Variants in EXOC4 observed in about 807,000 individuals in gnomAD.
EXOC4 encodes the protein exocyst complex component 4.
EXOC4 carries 71 observed loss-of-function variants against 107.2 expected under a neutral mutation model. The observed-to-expected ratio is 0.66, with a 90% CI of 0.55 to 0.81. The LOEUF is 0.81. EXOC4 is among the 30% of genes least tolerant of loss of function. The probability of loss-of-function intolerance (pLI) is 0.00; values close to 1 mark genes in which losing one functional copy is unlikely to be tolerated. For synonymous variants in EXOC4, 456 were observed against 441.2 expected (o/e 1.03, Z -0.42); for missense variants, 1,108 against 1,189.6 (o/e 0.93, Z 1.01).
At chr7:133,628,374 G>T (rs549412579) in intron 9 of EXOC4, among the ~76,000 whole-genome samples, 1 of 152,268 alleles carries the variant, frequency 6.6e-6, no homozygotes, top group African/African-American at 2.4e-5. Context: ...GGCCTTTATA[G>T]CTAAACTTAC....
At chr7:133,921,673 G>A (rs1799940203) in intron 13 of EXOC4, among the ~76,000 whole-genome samples, 2 of 151,950 alleles carry the variant, frequency 1.3e-5, no homozygotes, top group African/African-American at 4.8e-5. Flanking sequence ...TTTATGGTGT[G>A]TATCCTGCTT....
At chr7:133,352,003 A>G (rs557088530) in intron 5 of EXOC4, among the ~76,000 whole-genome samples, 1 of 151,978 alleles carries the variant, frequency 6.6e-6, no homozygotes, top group East Asian at 1.9e-4. Flanking sequence ...TAACTTTGTT[A>G]TTGATTTCTA....
intron 7 of EXOC4, among the ~76,000 whole-genome samples, chr7:133,409,850 G>A (rs1172210826): frequency 6.6e-6 from 1 of 152,088 alleles, no homozygotes; most frequent in Non-Finnish European, 1.5e-5. Context: ...GAAAGAACTA[G>A]AAATTACTAG....
At chr7:133,838,049 C>G (rs564639488) in intron 11 of EXOC4, among the ~76,000 whole-genome samples, 4 of 152,198 alleles carry the variant, frequency 2.6e-5, no homozygotes, top group Non-Finnish European at 2.9e-5. Flanking sequence ...GATTTTATAA[C>G]ATGTTTATTT....
chr7:133,770,497 A>C lies in EXOC4; in HGVS notation c.1515-46828A>C, dbSNP rs918105398. Among the ~76,000 whole-genome samples the C allele has an allele frequency of 2.6e-5, 4 of 152,098 alleles. No individual in the cohort carries two copies. In the South Asian group the frequency reaches 8.3e-4, roughly 31 times the overall value. ...CTAGCTTATTGGTGGTTTTGTTTGTAAACATTGAAAGTAAGCTTTAGCCAA... is the reference window on the plus strand; with the variant it reads ...CTAGCTTATTGGTGGTTTTGTTTGTCAACATTGAAAGTAAGCTTTAGCCAA... On this transcript the variant is annotated intron_variant, in intron 10 of 17. Transcript: ENST00000253861.
At chr7:133,628,604 C>A (rs1186927643) in intron 9 of EXOC4, among the ~76,000 whole-genome samples, 2 of 152,128 alleles carry the variant, frequency 1.3e-5, no homozygotes, top group African/African-American at 4.8e-5. Context: ...GTGTTTTTCC[C>A]AACATCCAAA....
chr7:133,624,614 G>A (rs1198600951), intron 9 of EXOC4, among the ~76,000 whole-genome samples: 2 of 151,904 alleles, frequency 1.3e-5, no homozygotes, highest in African/African-American at 4.8e-5. Context: ...TCTTTTTGAG[G>A]CAGAGTCTCG....
chr7:133,716,960 A>G (rs1014449181), intron 10 of EXOC4, among the ~76,000 whole-genome samples: 3 of 152,154 alleles, frequency 2.0e-5, no homozygotes, highest in Admixed American at 6.5e-5. Flanking sequence ...AAAAAATAAA[A>G]TATTCTTTAA....
intron 4 of EXOC4, among the ~76,000 whole-genome samples, chr7:133,306,902 G>A (rs533385218): frequency 5.3e-5 from 8 of 152,122 alleles, no homozygotes; most frequent in Non-Finnish European, 1.2e-4. Flanking sequence ...AATTCATTAG[G>A]TTAGTAGAGG....
intron 10 of EXOC4, among the ~76,000 whole-genome samples, chr7:133,711,262 G>T (rs1462731272): frequency 1.3e-5 from 2 of 152,172 alleles, no homozygotes; most frequent in African/African-American, 4.8e-5. Flanking sequence ...ATTCTTTTCA[G>T]ATTCAATCTG....
chr7:133,379,173 G>C (rs1796558902), intron 7 of EXOC4, among the ~76,000 whole-genome samples: 1 of 151,952 alleles, frequency 6.6e-6, no homozygotes, highest in Non-Finnish European at 1.5e-5. Context: ...TTTGAAAAAT[G>C]GGCAGCAAGT....
At chr7:134,061,944 A>G (rs1193679377) in intron 17 of EXOC4, among the ~76,000 whole-genome samples, 1 of 152,160 alleles carries the variant, frequency 6.6e-6, no homozygotes, top group Non-Finnish European at 1.5e-5. Flanking sequence ...CTAAACATGA[A>G]ACTTCAAAAG....
intron 17 of EXOC4, among the ~76,000 whole-genome samples, chr7:134,026,997 AT>A (rs917701439): frequency 5.9e-5 from 9 of 152,020 alleles, no homozygotes; most frequent in African/African-American, 9.7e-5. Context: ...TTCCAAAAAG[AT>A]TTTTTTTAAC....
intron 7 of EXOC4, among the ~76,000 whole-genome samples, chr7:133,462,131 A>G (rs1342892618): frequency 6.6e-6 from 1 of 152,186 alleles, no homozygotes; most frequent in Non-Finnish European, 1.5e-5. Flanking sequence ...CATATTTTAC[A>G]ATTTTCATAT....
At chr7:133,253,422 A>C in intron 1 of EXOC4, 1 of 1,290,758 alleles carries the variant, frequency 7.7e-7, no homozygotes, top group Non-Finnish European at 9.8e-7. Flanking sequence ...CTTTAGGGGC[A>C]GCACCTTCTA....
chr7:133,811,615 A>G (rs544559002), intron 10 of EXOC4, among the ~76,000 whole-genome samples: 1 of 152,376 alleles, frequency 6.6e-6, no homozygotes, highest in South Asian at 2.1e-4. Context: ...ACTGTTCATT[A>G]GCTTGGTAGA....
chr7:133,277,425 A>G (rs949266010), intron 2 of EXOC4, among the ~76,000 whole-genome samples: 7 of 152,210 alleles, frequency 4.6e-5, no homozygotes, highest in African/African-American at 1.7e-4. Flanking sequence ...TCTCATGGGC[A>G]TGGGAAGCAC....
intron 6 of EXOC4, among the ~76,000 whole-genome samples, chr7:133,365,381 A>G (rs371139053): frequency 8.0e-4 from 122 of 152,294 alleles, no homozygotes; most frequent in Middle Eastern, 3.4e-3. Flanking sequence ...TGATACTTTA[A>G]TTCAAAGAAA....
downstream of EXOC4, among the ~76,000 whole-genome samples, chr7:134,067,634 TATATACACACACACAC>T (rs1253718513): frequency 3.7e-5 from 5 of 133,824 alleles, no homozygotes; most frequent in South Asian, 5.0e-4. Context: ...CTTATATATA[TATATACACACACACAC>T]ACACACACAC....
Sources: allele counts gnomAD v4.1 joint callset (sites outside exome capture counted in the v4.1 genomes callset), GRCh38; gene constraint gnomAD v4.1.1; transcripts MANE v1.5; gene names NCBI Gene and HGNC (gene_info 2026-07-23, HGNC 2026-07-21).